Variants in DENND1A observed in about 807,000 individuals in gnomAD.
DENND1A encodes the protein DENN domain-containing protein 1A.
DENND1A carries 51 observed loss-of-function variants against 113.7 expected under a neutral mutation model. That is an observed-to-expected ratio of 0.45 (90% CI 0.36 to 0.57). The LOEUF (loss-of-function observed/expected upper bound fraction) is 0.57, where lower values mean the gene tolerates loss of function less well. Ranked by LOEUF, DENND1A falls within the 20% of genes least tolerant of loss-of-function variation. The probability of loss-of-function intolerance (pLI) is 0.00; values close to 1 mark genes in which losing one functional copy is unlikely to be tolerated. For missense variants in DENND1A, 1,258 were observed against 1,395.9 expected (o/e 0.90, Z 1.57); for synonymous variants, 565 against 570.8 (o/e 0.99, Z 0.14).
chr9:123,881,647 G>A (rs4838079), intron 1 of DENND1A, among the ~76,000 whole-genome samples: 15,209 of 152,148 alleles, frequency 0.1, 835 homozygotes, highest in Admixed American at 0.12. Context: ...AAATGAGCAT[G>A]CAAAGGTGTT....
rs545279470 is a variant in DENND1A, at chr9:123,619,735, A to T, written c.720-10254T>A. On this transcript the variant is annotated intron_variant, in intron 10 of 23. Coordinates refer to ENST00000394215, the MANE Select transcript of DENND1A (RefSeq NM_001352964.2). ...GTTCGGGCCAGAACTGTATACTTTT[A>T]AAAGGGTGAATTTTGTGGTATGTGG... 2.3e-3 allele frequency among the ~76,000 whole-genome samples: 355 copies of T among 152,292 alleles called. 1 individual carries two copies. Among genetic ancestry groups the T allele is most frequent in the South Asian group, 0.021 (102 of 4,816 alleles).
intron 8 of DENND1A, among the ~76,000 whole-genome samples, chr9:123,661,644 G>A (rs953828684): frequency 2.6e-5 from 4 of 152,182 alleles, no homozygotes; most frequent in Non-Finnish European, 5.9e-5. Context: ...ATGTGACGGG[G>A]CAGCCATTTG....
At chr9:123,493,848 C>A (rs944314467) in intron 13 of DENND1A, among the ~76,000 whole-genome samples, 435 of 152,322 alleles carry the variant, frequency 2.9e-3, no homozygotes, top group Non-Finnish European at 4.7e-3. Flanking sequence ...GGACCGCCCC[C>A]TCCATTGCTT....
intron 13 of DENND1A, among the ~76,000 whole-genome samples, chr9:123,474,288 C>T (rs911964515): frequency 6.6e-6 from 1 of 152,170 alleles, no homozygotes; most frequent in Non-Finnish European, 1.5e-5. Flanking sequence ...AGCCACCTTG[C>T]CCAGCCTGTA....
rs573237651 is a variant in DENND1A, at chr9:123,653,047, G to A, written c.508-924C>T. 2.6e-5 allele frequency among the ~76,000 whole-genome samples: 4 copies of A among 152,270 alleles called. 1 individual carries two copies. In the South Asian group the frequency reaches 6.2e-4, roughly 24 times the overall value. ...TCTGAAAATGAAAGGGGTTTGGGAG[G>A]GAAGGAATGCTATTGCCAGGCGTTG... On this transcript the variant is annotated intron_variant, in intron 8 of 23. Coordinates refer to ENST00000394215, the MANE Select transcript of DENND1A (RefSeq NM_001352964.2).
At chr9:123,477,626 A>G (rs1282384606) in intron 13 of DENND1A, among the ~76,000 whole-genome samples, 1 of 151,992 alleles carries the variant, frequency 6.6e-6, no homozygotes, top group Non-Finnish European at 1.5e-5. Flanking sequence ...TAGGGAAAAG[A>G]GCCAATGCAT....
intron 9 of DENND1A, among the ~76,000 whole-genome samples, chr9:123,642,352 A>G (rs1236286259): frequency 6.6e-6 from 1 of 152,262 alleles, no homozygotes; most frequent in Non-Finnish European, 1.5e-5. Flanking sequence ...CTGGACCACA[A>G]TAAAATTGTA....
chr9:123,425,030 C>T (rs1384906216), intron 19 of DENND1A, among the ~76,000 whole-genome samples: 1 of 152,236 alleles, frequency 6.6e-6, no homozygotes, highest in African/African-American at 2.4e-5. Flanking sequence ...GACAAGCAGC[C>T]TCTGGCACAG....
At chr9:123,747,553 A>G (rs2069620746) in intron 5 of DENND1A, among the ~76,000 whole-genome samples, 1 of 152,184 alleles carries the variant, frequency 6.6e-6, no homozygotes, top group Non-Finnish European at 1.5e-5. Flanking sequence ...ATTCAAGTCC[A>G]TGAGTAGAAA....
intron 3 of DENND1A, among the ~76,000 whole-genome samples, chr9:123,774,502 T>A (rs1030996264): frequency 1.2e-4 from 19 of 152,178 alleles, no homozygotes; most frequent in African/African-American, 4.6e-4. Context: ...TCCTTCACTA[T>A]AAGTGTCAAA....
intron 5 of DENND1A, among the ~76,000 whole-genome samples, chr9:123,699,254 A>G (rs1273337721): frequency 6.6e-6 from 1 of 152,250 alleles, no homozygotes; most frequent in Non-Finnish European, 1.5e-5. Flanking sequence ...GAACACCTTC[A>G]TGACTTAGTA....
At chr9:123,710,550 C>T (rs1470515678) in intron 5 of DENND1A, among the ~76,000 whole-genome samples, 1 of 151,568 alleles carries the variant, frequency 6.6e-6, no homozygotes, top group East Asian at 1.9e-4. Context: ...CACACACACA[C>T]ACACACACAC....
intron 10 of DENND1A, among the ~76,000 whole-genome samples, chr9:123,623,123 C>A (rs1262458321): frequency 6.6e-6 from 1 of 151,876 alleles, no homozygotes. Flanking sequence ...AACAACCATA[C>A]AATAACTCAA....
chr9:123,538,809 CATAT>C (rs35223887), intron 13 of DENND1A, among the ~76,000 whole-genome samples: 757 of 21,854 alleles, frequency 0.035, 10 homozygotes, highest in South Asian at 0.055. Flanking sequence ...ACAACTCATA[CATAT>C]ATATATATAT....
chr9:123,478,662 T>TG (rs1378640719), intron 13 of DENND1A, among the ~76,000 whole-genome samples: 1 of 152,268 alleles, frequency 6.6e-6, no homozygotes, highest in Non-Finnish European at 1.5e-5. Flanking sequence ...CATTGATAGA[T>TG]GCACAGATGG....
At chr9:123,809,683 A>C (rs1351481538) in intron 2 of DENND1A, among the ~76,000 whole-genome samples, 2 of 152,182 alleles carry the variant, frequency 1.3e-5, no homozygotes, top group African/African-American at 4.8e-5. Context: ...CTTAAATGTC[A>C]TTCTATTTAT....
At chr9:123,632,039 C>T (rs546929400) in intron 9 of DENND1A, among the ~76,000 whole-genome samples, 13 of 152,292 alleles carry the variant, frequency 8.5e-5, no homozygotes, top group South Asian at 8.3e-4. Context: ...CCTTTGCTGA[C>T]AGAAGAACAT....
intron 21 of DENND1A, among the ~76,000 whole-genome samples, chr9:123,392,953 A>G (rs1168663222): frequency 1.3e-5 from 2 of 152,206 alleles, no homozygotes; most frequent in African/African-American, 4.8e-5. Context: ...TGAGAATAAG[A>G]GTCTCCAATC....
chr9:123,757,552 C>T (rs557738586), intron 5 of DENND1A, 151 bp downstream of exon 5: 2 of 1,072,654 alleles, frequency 1.9e-6, no homozygotes, highest in African/African-American at 1.6e-5. Context: ...GCAAGAACAA[C>T]ACTGTGAAGT....
Sources: gnomAD v4.1 joint callset for allele counts (sites outside exome capture counted in the v4.1 genomes callset) on GRCh38, gnomAD v4.1.1 for gene constraint, MANE v1.5 for transcripts, NCBI Gene and HGNC (gene_info 2026-07-23, HGNC 2026-07-21) for gene names.